The following NAPB variants were observed in gnomAD, a reference collection of about 807,000 sequenced individuals.
The protein encoded by NAPB is beta-soluble NSF attachment protein.
NAPB carries 26 observed loss-of-function variants against 44.7 expected under a neutral mutation model. The observed-to-expected ratio is 0.58, with a 90% confidence interval of 0.43 to 0.81. The LOEUF (loss-of-function observed/expected upper bound fraction) is 0.81. NAPB is among the 30% of genes least tolerant of loss of function. The pLI is 0.00. For missense variants in NAPB, 315 were observed against 356.4 expected (o/e 0.88, Z 0.94); for synonymous variants, 120 against 116.8 (o/e 1.03, Z -0.18).
At chr20:23,381,898 G>A (rs554090885) in intron 7 of NAPB, among the ~76,000 whole-genome samples, 2 of 152,286 alleles carry the variant, frequency 1.3e-5, no homozygotes, top group East Asian at 3.9e-4. Context: ...GCTGAAGAAG[G>A]AGTCCTAAAG....
Position 23,378,826 on chromosome 20 carries a change from C to CTTTTTTTTTTTTTTTTT in NAPB, c.786+618_786+619insAAAAAAAAAAAAAAAAA, listed in dbSNP as rs202043703. 7.0e-4 allele frequency: 67 copies of CTTTTTTTTTTTTTTTTT among 95,744 alleles called. 6 individuals are homozygous for CTTTTTTTTTTTTTTTTT. Among genetic ancestry groups the CTTTTTTTTTTTTTTTTT allele is most frequent in the African/African-American group, 2.3e-3 (64 of 27,752 alleles). 5.9% of individuals were successfully genotyped at this position (95,744 alleles called of 1,614,324 possible). A position where few individuals can be genotyped will look rare whatever the true frequency, so the allele number is the denominator to read the frequency against. On this transcript the variant is annotated intron_variant, in intron 10 of 10. Coordinates refer to ENST00000377026, the MANE Select transcript of NAPB (RefSeq NM_022080.3). ...TTAAATTATATTTAATTTTTTTTTT[C>CTTTTTTTTTTTTTTTTT]TTTTTTTTTTTGAGACAGAGTCTCG...
intron 5 of NAPB, among the ~76,000 whole-genome samples, chr20:23,391,339 T>C (rs1246420309): frequency 6.6e-6 from 1 of 152,024 alleles, no homozygotes; most frequent in Non-Finnish European, 1.5e-5. Flanking sequence ...AAAAAATAAG[T>C]GTCTACCGGA....
At chr20:23,397,000 CT>C in intron 3 of NAPB, 71 bp downstream of exon 3, 1 of 1,494,564 alleles carries the variant, frequency 6.7e-7, no homozygotes, top group Non-Finnish European at 9.1e-7. Flanking sequence ...CAACACTGAC[CT>C]TAACGTTGAG....
At chr20:23,389,847 T>A (rs537743739) in intron 7 of NAPB, 99 bp downstream of exon 7, 1 of 983,204 alleles carries the variant, frequency 1.0e-6, no homozygotes, top group Admixed American at 2.1e-5. Flanking sequence ...ACTCATTACG[T>A]GATGTGTGGA....
At chr20:23,382,849 G>A (rs939832361) in intron 7 of NAPB, among the ~76,000 whole-genome samples, 8 of 152,108 alleles carry the variant, frequency 5.3e-5, no homozygotes, top group Admixed American at 5.2e-4. Flanking sequence ...TGTTCTAGAA[G>A]GGGAGGAGAA....
intron 2 of NAPB, among the ~76,000 whole-genome samples, chr20:23,399,082 C>A (rs1257119420): frequency 1.3e-5 from 2 of 151,968 alleles, no homozygotes; most frequent in Non-Finnish European, 2.9e-5. Flanking sequence ...GGTTTCTGAA[C>A]CTGAGGGCAA....
At chr20:23,414,459 C>T (rs973363989) in intron 1 of NAPB, among the ~76,000 whole-genome samples, 3 of 152,166 alleles carry the variant, frequency 2.0e-5, no homozygotes, top group Non-Finnish European at 4.4e-5. Flanking sequence ...TATAATAACT[C>T]TTAAGGAGAA....
At chr20:23,403,363 G>C (rs1452206326) in intron 1 of NAPB, among the ~76,000 whole-genome samples, 3 of 152,188 alleles carry the variant, frequency 2.0e-5, no homozygotes, top group Admixed American at 6.5e-5. Flanking sequence ...AGAACTTTGG[G>C]AGGCCAAGGC....
intron 1 of NAPB, among the ~76,000 whole-genome samples, chr20:23,413,944 C>T (rs568791312): frequency 6.6e-6 from 1 of 151,740 alleles, no homozygotes; most frequent in South Asian, 2.1e-4. Flanking sequence ...TTAGGAGGCA[C>T]CTGTAACAGC....
intron 1 of NAPB, among the ~76,000 whole-genome samples, chr20:23,413,751 C>G (rs772524084): frequency 6.6e-6 from 1 of 151,948 alleles, no homozygotes; most frequent in Non-Finnish European, 1.5e-5. Context: ...TAGGAAAACA[C>G]AATTTACCAA....
At chr20:23,394,082 C>G (rs1469883277) in intron 5 of NAPB, among the ~76,000 whole-genome samples, 2 of 152,168 alleles carry the variant, frequency 1.3e-5, no homozygotes, top group Admixed American at 1.3e-4. Context: ...CCCATGAAGG[C>G]TCTGCACAGC....
At chr20:23,405,347 AAGAG>A (rs970352685) in intron 1 of NAPB, among the ~76,000 whole-genome samples, 8 of 152,186 alleles carry the variant, frequency 5.3e-5, no homozygotes, top group South Asian at 2.1e-4. Flanking sequence ...AAGAGAATGA[AAGAG>A]AGAGATAAAG....
chr20:23,416,864 C>A (rs1170820238), intron 1 of NAPB, among the ~76,000 whole-genome samples: 1 of 152,160 alleles, frequency 6.6e-6, no homozygotes, highest in East Asian at 1.9e-4. Context: ...GTGAAGAATA[C>A]TGATAATTTA....
rs758562212 is a variant in NAPB, at chr20:23,381,331, G to A, written c.562-14C>T. ...GTTTGCCCCAACCTAGGCACAGAACGCAGAGTTAAATTTAAAAGATTTACC... is the reference window on the plus strand; with the variant it reads ...GTTTGCCCCAACCTAGGCACAGAACACAGAGTTAAATTTAAAAGATTTACC... On this transcript the variant is annotated splice_polypyrimidine_tract_variant and intron_variant, in intron 7 of 10. Coordinates refer to ENST00000377026, the MANE Select transcript of NAPB (RefSeq NM_022080.3). 5.6e-5 allele frequency: 85 copies of A among 1,506,284 alleles called. No homozygotes were observed. The highest frequency in any genetic ancestry group is 1.7e-4 in the East Asian group (7 of 41,690). 93.3% of individuals were successfully genotyped at this position (1,506,284 alleles called of 1,614,324 possible).
In NAPB at chr20:23,379,945, A is replaced by G; in HGVS notation, c.667-10T>C. On this transcript the variant is annotated splice_polypyrimidine_tract_variant and intron_variant, in intron 8 of 10. Transcript: ENST00000377026. Reference sequence around the variant, plus strand: ...ATTTCTCAAGAGCAAGCTGAGAGAGAAAAACCACTCATCAATTTCAGACTT... The same window carrying G: ...ATTTCTCAAGAGCAAGCTGAGAGAGGAAAACCACTCATCAATTTCAGACTT... 3.7e-6 allele frequency: 6 copies of G among 1,610,686 alleles called. No homozygotes were observed. Among genetic ancestry groups the G allele is most frequent in the Non-Finnish European group, 5.1e-6 (6 of 1,177,588 alleles).
intron 3 of NAPB, among the ~76,000 whole-genome samples, chr20:23,395,989 T>A (rs1395434939): frequency 6.6e-6 from 1 of 152,200 alleles, no homozygotes; most frequent in Non-Finnish European, 1.5e-5. Flanking sequence ...ATAAAAAATG[T>A]GGATCCCTGT....
intron 5 of NAPB, among the ~76,000 whole-genome samples, chr20:23,394,118 G>T (rs1246447512): frequency 1.3e-5 from 2 of 152,148 alleles, no homozygotes; most frequent in African/African-American, 4.8e-5. Flanking sequence ...TAGTGAAAGG[G>T]GTCTAATGAC....
rs1442896737 is a variant in NAPB, at chr20:23,389,978, G to A, written c.529C>T (p.Gln177Ter). Residue 177 changes from glutamine to a stop codon, truncating the protein, a stop_gained, in exon 7 of 11, where the codon CAG becomes TAG. Transcript: ENST00000377026. LOFTEE classifies it high-confidence loss of function. Reference sequence around the variant, plus strand: ...TAGATCTCAATGGCTTTCTGGTACTGCTCAAGCTGGGCAGCATATGCTGCC... The same window carrying A: ...TAGATCTCAATGGCTTTCTGGTACTACTCAAGCTGGGCAGCATATGCTGCC... ...KVAAYAAQLE[Q>*]YQKAIEIYEQ... The A allele has an allele frequency of 3.7e-6, 6 of 1,614,140 alleles. No individual in the cohort carries two copies. The highest frequency in any genetic ancestry group is 5.1e-6 in the Non-Finnish European group (6 of 1,179,982).
At chr20:23,420,668 G>A (rs951770015) in intron 1 of NAPB, among the ~76,000 whole-genome samples, 1 of 152,122 alleles carries the variant, frequency 6.6e-6, no homozygotes, top group Non-Finnish European at 1.5e-5. Flanking sequence ...CACTGAGAAG[G>A]GGGCCCCACG....
Sources: allele counts gnomAD v4.1 joint callset (sites outside exome capture counted in the v4.1 genomes callset), GRCh38; gene constraint gnomAD v4.1.1; transcripts MANE v1.5; gene names NCBI Gene and HGNC (gene_info 2026-07-23, HGNC 2026-07-21).